DNAH14: variants seen among roughly 807,000 people sequenced by gnomAD.
DNAH14 encodes the protein dynein axonemal heavy chain 14.
DNAH14 carries 478 observed loss-of-function variants against 520.9 expected under a neutral mutation model. The observed-to-expected ratio is 0.92, with a 90% CI of 0.85 to 0.99. DNAH14 has a LOEUF of 0.99. Among genes scored for constraint, DNAH14 ranks in the 50% least tolerant of loss-of-function variants. DNAH14 has a pLI of 0.00. For missense variants in DNAH14, 4,831 were observed against 5,234.5 expected (o/e 0.92, Z 2.38); for synonymous variants, 1,581 against 1,757.2 (o/e 0.90, Z 2.51).
chr1:225,388,499 T>TA lies in DNAH14; in HGVS notation c.13190+12dup. The TA allele has an allele frequency of 7.0e-7, 1 of 1,428,444 alleles. No homozygotes were observed. Among genetic ancestry groups the TA allele is most frequent in the Non-Finnish European group, 9.6e-7 (1 of 1,046,884 alleles). 88.5% of individuals were successfully genotyped at this position (1,428,444 alleles called of 1,614,324 possible). Reference sequence around the variant, plus strand: ...TACTGCAATACAGCGTCGGTATGGATAAAAGATGCTTTACATTTCTTCCTC... The same window carrying TA: ...TACTGCAATACAGCGTCGGTATGGATAAAAAGATGCTTTACATTTCTTCCTC... On this transcript the variant is annotated intron_variant, in intron 82 of 85. Coordinates refer to ENST00000682510, the MANE Select transcript of DNAH14 (RefSeq NM_001367479.1).
At chr1:225,365,416 G>A (rs563640515) in intron 76 of DNAH14, among the ~76,000 whole-genome samples, 17 of 152,288 alleles carry the variant, frequency 1.1e-4, no homozygotes, top group Admixed American at 5.2e-4. Flanking sequence ...AAAACTGACC[G>A]ATGGCATAGG....
chr1:225,282,306 C>A (rs1219435462), intron 54 of DNAH14, among the ~76,000 whole-genome samples: 1 of 152,172 alleles, frequency 6.6e-6, no homozygotes, highest in Non-Finnish European at 1.5e-5. Flanking sequence ...GGTCTGGGCC[C>A]CCAGCCATCA....
chr1:225,031,949 G>A (rs971690897), intron 11 of DNAH14, among the ~76,000 whole-genome samples: 2 of 151,994 alleles, frequency 1.3e-5, no homozygotes, highest in African/African-American at 4.8e-5. Flanking sequence ...GTAATGCTGG[G>A]AAAGAGTTCC....
chr1:225,268,810 T>C (rs1450960264), intron 49 of DNAH14, among the ~76,000 whole-genome samples: 1 of 152,100 alleles, frequency 6.6e-6, no homozygotes, highest in African/African-American at 2.4e-5. Flanking sequence ...TACAAACCAC[T>C]GCTCAACGAA....
rs1476339493 is a variant in DNAH14, at chr1:225,144,474, A to G, written c.4586A>G (p.Tyr1529Cys). Residue 1529 changes from tyrosine (Y) to cysteine (C), a missense_variant, in exon 29 of 86, where the codon TAT becomes TGT. By Grantham distance (194) the Tyr-to-Cys change is radical (BLOSUM62 -2). Coordinates refer to ENST00000682510, the MANE Select transcript of DNAH14 (RefSeq NM_001367479.1). ...SQGNASFTYG[Y>C]EYLGCTSRLV... Reference sequence around the variant, plus strand: ...GGAAATGCCAGCTTTACTTATGGCTATGAGTACTTGGGCTGTACCTCAAGA... The same window carrying G: ...GGAAATGCCAGCTTTACTTATGGCTGTGAGTACTTGGGCTGTACCTCAAGA... 34 of 1,551,560 alleles carry G rather than the reference A, an allele frequency of 2.2e-5. No individual in the cohort carries two copies. In the East Asian group the frequency reaches 3.4e-4, roughly 16 times the overall value.
At chr1:225,000,408 C>G (rs1330804363) in intron 8 of DNAH14, among the ~76,000 whole-genome samples, 1 of 150,340 alleles carries the variant, frequency 6.7e-6, no homozygotes, top group East Asian at 1.9e-4. Context: ...TCTTGAATCT[C>G]TAGGTTTGTG....
At chr1:225,364,703 C>CCACTT in intron 75 of DNAH14, 89 bp from the exon 76 acceptor site, 1 of 888,048 alleles carries the variant, frequency 1.1e-6, no homozygotes. Flanking sequence ...ATTCGTAAGG[C>CCACTT]CACTTCAAAC....
intron 8 of DNAH14, 150 bp from the exon 9 acceptor site, chr1:225,002,633 C>G (rs1198387457): frequency 7.7e-6 from 6 of 779,732 alleles, no homozygotes; most frequent in South Asian, 7.6e-5. Context: ...AACACAACCC[C>G]TAATGCTTAC....
chr1:224,964,016 G>A (rs1372624725), intron 4 of DNAH14, among the ~76,000 whole-genome samples: 1 of 152,210 alleles, frequency 6.6e-6, no homozygotes, highest in East Asian at 1.9e-4. Context: ...GCCAAGAAAA[G>A]AGACTCTTTC....
chr1:225,252,386 A>G lies in DNAH14; in HGVS notation c.6834A>G (p.Leu2278=). The part of the protein sequence containing the change: ...EQCEFIPWSD[L]VPNDQTLIQR... Reference sequence around the variant, plus strand: ...GTGAATTCATACCTTGGTCAGATTTAGTTCCTAATGATCAGACACTAATTC... The same window carrying G: ...GTGAATTCATACCTTGGTCAGATTTGGTTCCTAATGATCAGACACTAATTC... The change falls in exon 44 of 86, where the codon TTA becomes TTG. Residue 2278 remains leucine, a synonymous_variant. Transcript: ENST00000682510. 2 of 1,542,338 alleles carry G rather than the reference A, an allele frequency of 1.3e-6. No individual in the cohort carries two copies. Among genetic ancestry groups the G allele is most frequent in the Non-Finnish European group, 1.8e-6 (2 of 1,139,324 alleles).
intron 77 of DNAH14, among the ~76,000 whole-genome samples, chr1:225,370,178 C>G (rs775003958): frequency 6.6e-6 from 1 of 152,112 alleles, no homozygotes; most frequent in Non-Finnish European, 1.5e-5. Flanking sequence ...ATCCCAGCTA[C>G]TCAGGAGGCA....
intron 66 of DNAH14, 74 bp downstream of exon 66, chr1:225,333,580 C>T (rs16844689): frequency 0.11 from 148,971 of 1,336,644 alleles, 9,768 homozygotes; most frequent in East Asian, 0.32. Flanking sequence ...TGTGTAGTTT[C>T]GGCCTTGGAT....
At chr1:225,220,196 A>G (rs1363377573) in intron 41 of DNAH14, among the ~76,000 whole-genome samples, 2 of 152,224 alleles carry the variant, frequency 1.3e-5, no homozygotes, top group Admixed American at 6.5e-5. Context: ...CCCACAGCCA[A>G]TGTCATACTG....
intron 1 of DNAH14, among the ~76,000 whole-genome samples, chr1:224,937,388 A>G (rs1042796010): frequency 1.3e-5 from 2 of 152,112 alleles, no homozygotes; most frequent in African/African-American, 4.8e-5. Flanking sequence ...TACGAAAATC[A>G]GTAGCATTTA....
chr1:225,175,736 C>G (rs1253371406), intron 36 of DNAH14, among the ~76,000 whole-genome samples: 2 of 126,258 alleles, frequency 1.6e-5, no homozygotes, highest in African/African-American at 3.1e-5. Flanking sequence ...TGGAGTATCA[C>G]TCTGTCCCCC....
intron 20 of DNAH14, among the ~76,000 whole-genome samples, chr1:225,083,870 T>A (rs1189229571): frequency 6.6e-6 from 1 of 152,188 alleles, no homozygotes; most frequent in Non-Finnish European, 1.5e-5. Context: ...ACAATTTTAG[T>A]GATATTTTTA....
chr1:225,249,426 C>T (rs1273579204), intron 43 of DNAH14, among the ~76,000 whole-genome samples: 2 of 152,108 alleles, frequency 1.3e-5, no homozygotes, highest in Non-Finnish European at 2.9e-5. Context: ...GAAGTATCCT[C>T]ATTTATTTGG....
intron 77 of DNAH14, among the ~76,000 whole-genome samples, chr1:225,371,350 A>T (rs2095616470): frequency 6.6e-6 from 1 of 152,122 alleles, no homozygotes; most frequent in African/African-American, 2.4e-5. Context: ...ATCTCAATAG[A>T]TGTAGAAGAG....
chr1:225,115,025 G>C (rs909465412), intron 23 of DNAH14, among the ~76,000 whole-genome samples: 1 of 152,214 alleles, frequency 6.6e-6, no homozygotes, highest in Non-Finnish European at 1.5e-5. Flanking sequence ...ATCAGTGGAG[G>C]AGTCTATTCA....
Sources: gnomAD v4.1 joint callset for allele counts (sites outside exome capture counted in the v4.1 genomes callset) on GRCh38, gnomAD v4.1.1 for gene constraint, MANE v1.5 for transcripts, NCBI Gene and HGNC (gene_info 2026-07-23, HGNC 2026-07-21) for gene names.